Variants in DAB1 observed in about 807,000 individuals in gnomAD.
DAB1 encodes the protein DAB adaptor protein 1, also known as disabled homolog 1.
DAB1 carries 15 observed loss-of-function variants against 64.6 expected under a neutral mutation model. The observed-to-expected ratio is 0.23, with a 90% CI of 0.16 to 0.36. The LOEUF (loss-of-function observed/expected upper bound fraction) is 0.36. Among genes scored for constraint, DAB1 ranks in the 10% least tolerant of loss-of-function variants. The pLI, the probability that DAB1 is intolerant of heterozygous loss-of-function variation, is 1.00. For missense variants in DAB1, 596 were observed against 706.7 expected (o/e 0.84, Z 1.78); for synonymous variants, 235 against 251.9 (o/e 0.93, Z 0.64).
intron 3 of DAB1, among the ~76,000 whole-genome samples, chr1:58,474,617 T>C (rs931320989): frequency 1.3e-5 from 2 of 152,176 alleles, no homozygotes; most frequent in South Asian, 2.1e-4. Flanking sequence ...AGTTAGCTGA[T>C]TGGCTCATTG....
chr1:57,616,636 T>G (rs571952808), intron 7 of DAB1, among the ~76,000 whole-genome samples: 1 of 152,324 alleles, frequency 6.6e-6, no homozygotes, highest in African/African-American at 2.4e-5. Context: ...ACAGATCACC[T>G]GCTCTGGGAA....
chr1:57,978,195 A>T (rs987264570), intron 5 of DAB1, among the ~76,000 whole-genome samples: 1 of 152,208 alleles, frequency 6.6e-6, no homozygotes, highest in African/African-American at 2.4e-5. Flanking sequence ...CCAAAACAGC[A>T]TGGTACTGGT....
intron 2 of DAB1, among the ~76,000 whole-genome samples, chr1:57,216,851 G>A (rs896184970): frequency 6.6e-6 from 1 of 152,184 alleles, no homozygotes; most frequent in Non-Finnish European, 1.5e-5. Context: ...ACTACTTGAC[G>A]TAAGGCAGGA....
chr1:58,006,428 A>G (rs1037955243), intron 5 of DAB1, among the ~76,000 whole-genome samples: 3 of 152,192 alleles, frequency 2.0e-5, no homozygotes, highest in African/African-American at 7.2e-5. Flanking sequence ...TCTTCCCAGT[A>G]TTAGTAATAA....
intron 7 of DAB1, among the ~76,000 whole-genome samples, chr1:57,536,910 C>T (rs372557741): frequency 2.2e-4 from 33 of 152,250 alleles, no homozygotes; most frequent in African/African-American, 7.5e-4. Flanking sequence ...CCATGTCAGG[C>T]CTGGCACCAG....
chr1:57,813,564 G>A (rs1651724140), intron 6 of DAB1, among the ~76,000 whole-genome samples: 1 of 152,198 alleles, frequency 6.6e-6, no homozygotes, highest in Non-Finnish European at 1.5e-5. Context: ...GCTAACCCAT[G>A]GGAACACAGA....
intron 1 of DAB1, among the ~76,000 whole-genome samples, chr1:57,409,989 C>G (rs1683978634): frequency 6.6e-6 from 1 of 152,198 alleles, no homozygotes; most frequent in Non-Finnish European, 1.5e-5. Context: ...AGGAAGCAAA[C>G]ACATTCTATT....
chr1:58,254,238 C>A (rs147958416), intron 4 of DAB1, among the ~76,000 whole-genome samples: 497 of 152,240 alleles, frequency 3.3e-3, no homozygotes, highest in African/African-American at 0.011. Context: ...ACAGGCATAG[C>A]CAGAGTTGTT....
At chr1:57,480,660 T>C (rs1644006089) in intron 7 of DAB1, among the ~76,000 whole-genome samples, 1 of 152,022 alleles carries the variant, frequency 6.6e-6, no homozygotes, top group African/African-American at 2.4e-5. Flanking sequence ...AATTTTTGTA[T>C]TTTTAGTAGA....
At chr1:58,252,560 G>C (rs1168519215) in intron 4 of DAB1, among the ~76,000 whole-genome samples, 1 of 152,134 alleles carries the variant, frequency 6.6e-6, no homozygotes, top group African/African-American at 2.4e-5. Flanking sequence ...AAAGGTTTTC[G>C]GCTGAGACAC....
At chr1:57,840,957 A>G (rs1653022285) in intron 1 of DAB1, among the ~76,000 whole-genome samples, 1 of 152,222 alleles carries the variant, frequency 6.6e-6, no homozygotes. Context: ...TCATTCCAGC[A>G]TTAACTCAAA....
chr1:58,290,654 G>T (rs939792621), intron 4 of DAB1, among the ~76,000 whole-genome samples: 1 of 152,152 alleles, frequency 6.6e-6, no homozygotes, highest in Non-Finnish European at 1.5e-5. Flanking sequence ...CTCTGAATAT[G>T]TCTCCAGAAA....
At chr1:57,576,900 A>C (rs1645255711) in intron 7 of DAB1, among the ~76,000 whole-genome samples, 1 of 152,208 alleles carries the variant, frequency 6.6e-6, no homozygotes, top group Non-Finnish European at 1.5e-5. Context: ...TTTGCCTTAC[A>C]GGCTCTCTTC....
chr1:57,087,743 T>C (rs1413466555), intron 4 of DAB1, among the ~76,000 whole-genome samples: 2 of 152,216 alleles, frequency 1.3e-5, no homozygotes, highest in Admixed American at 6.5e-5. Flanking sequence ...GCTGCCTCTG[T>C]TCTGTGCTCC....
chr1:58,129,610 C>T (rs1653382561), intron 5 of DAB1, among the ~76,000 whole-genome samples: 1 of 141,362 alleles, frequency 7.1e-6, no homozygotes, highest in East Asian at 2.1e-4. Flanking sequence ...TATAAATTTC[C>T]CTCTACACAC....
intron 1 of DAB1, among the ~76,000 whole-genome samples, chr1:57,834,460 G>C (rs1238641879): frequency 6.6e-6 from 1 of 152,030 alleles, no homozygotes; most frequent in Non-Finnish European, 1.5e-5. Flanking sequence ...CATTTCATTA[G>C]TACCTACCAT....
At chr1:57,259,384 T>A (rs1367816584) in intron 2 of DAB1, among the ~76,000 whole-genome samples, 2 of 152,160 alleles carry the variant, frequency 1.3e-5, no homozygotes, top group Non-Finnish European at 2.9e-5. Context: ...GGGAGGACAG[T>A]TCTGTAATTC....
chr1:58,436,317 T>C lies in DAB1; in HGVS notation n.257+69743A>G, dbSNP rs148167017. Among the ~76,000 whole-genome samples the C allele has an allele frequency of 3.0e-3, 459 of 152,352 alleles. 2 individuals carry two copies. Among genetic ancestry groups the C allele is most frequent in the Non-Finnish European group, 4.4e-3 (299 of 68,036 alleles). The stretch of plus-strand genomic sequence containing the variant: ...GCTAGTTGTACCTAGAATACATCCA[T>C]TGGAGCTTTGGAGGAGAGTGAAGAG... On this transcript the variant is annotated intron_variant and non_coding_transcript_variant, in intron 3 of 20. Transcript: ENST00000485760.
intron 6 of DAB1, among the ~76,000 whole-genome samples, chr1:57,775,186 A>G (rs1381855469): frequency 6.6e-6 from 1 of 151,390 alleles, no homozygotes; most frequent in Non-Finnish European, 1.5e-5. Context: ...TATGTTTATT[A>G]AAGTTTTATT....
Sources: gnomAD v4.1 joint callset for allele counts (sites outside exome capture counted in the v4.1 genomes callset) on GRCh38, gnomAD v4.1.1 for gene constraint, MANE v1.5 for transcripts, NCBI Gene and HGNC (gene_info 2026-07-23, HGNC 2026-07-21) for gene names.